Variants in CCDC88C observed in about 807,000 individuals in gnomAD.
The protein encoded by CCDC88C is protein Daple.
CCDC88C carries 131 observed loss-of-function variants against 198.8 expected under a neutral mutation model. That is an observed-to-expected ratio of 0.66 (90% CI 0.57 to 0.76). The LOEUF (loss-of-function observed/expected upper bound fraction) is 0.76, where lower values mean the gene tolerates loss of function less well. Among genes scored for constraint, CCDC88C ranks in the 30% least tolerant of loss-of-function variants. The pLI, the probability that CCDC88C is intolerant of heterozygous loss-of-function variation, is 0.00. For synonymous variants in CCDC88C, 1,166 were observed against 1,114.7 expected (o/e 1.05, Z -0.92); for missense variants, 2,553 against 2,631.6 (o/e 0.97, Z 0.65).
At chr14:91,384,151 T>C (rs1042120069) in intron 3 of CCDC88C, among the ~76,000 whole-genome samples, 1 of 152,056 alleles carries the variant, frequency 6.6e-6, no homozygotes, top group African/African-American at 2.4e-5. Context: ...AACTCTCAGG[T>C]GGAGGCTAGG....
chr14:91,317,275 C>T lies in CCDC88C; in HGVS notation c.1528-1488G>A, dbSNP rs144914148. Among the ~76,000 whole-genome samples, 175 of 152,302 alleles carry T rather than the reference C, an allele frequency of 1.1e-3. No individual in the cohort carries two copies. The East Asian group carries it at 0.019, about 16-fold the overall frequency. ...TCCAGAGGTCCCAGACCAAAGCAAG[C>T]GTGCAGCCTGGGCTACATTCGGGGT... is the stretch of plus-strand genomic sequence containing the variant. On this transcript the variant is annotated intron_variant, in intron 13 of 29. Coordinates refer to ENST00000389857, the MANE Select transcript of CCDC88C (RefSeq NM_001080414.4).
chr14:91,403,880 T>C (rs1421335805), intron 3 of CCDC88C, among the ~76,000 whole-genome samples: 1 of 152,224 alleles, frequency 6.6e-6, no homozygotes, highest in Non-Finnish European at 1.5e-5. Context: ...TGCAGTGAGC[T>C]AAGACTATAC....
intron 27 of CCDC88C, among the ~76,000 whole-genome samples, chr14:91,280,250 C>G (rs1332103037): frequency 6.6e-6 from 1 of 152,198 alleles, no homozygotes; most frequent in African/African-American, 2.4e-5. Flanking sequence ...GAAGAGACAC[C>G]TGGGGTTCCT....
rs189215037 is a variant in CCDC88C, at chr14:91,289,219, C to A, written c.4327G>T (p.Ala1443Ser). The A allele has an allele frequency of 5.6e-6, 9 of 1,614,012 alleles. No homozygotes were observed. Among genetic ancestry groups the A allele is most frequent in the Non-Finnish European group, 7.6e-6 (9 of 1,179,876 alleles). ...PPWQLESSDP[A>S]SPAASQPLRS... ...AGCGGCTGAGAGGCCGCCGGCGAGG[C>A]GGGGTCTGAGGACTCCAGCTGCCAG... The change falls in exon 25 of 30, where the codon GCC (alanine) becomes TCC (serine). Residue 1443 changes from alanine (A) to serine (S), a missense_variant. By Grantham distance (99) the Ala-to-Ser change is moderately conservative. Coordinates refer to ENST00000389857, the MANE Select transcript of CCDC88C (RefSeq NM_001080414.4).
chr14:91,310,048 G>T, intron 15 of CCDC88C, 62 bp from the exon 16 acceptor site: 2 of 1,476,642 alleles, frequency 1.4e-6, no homozygotes, highest in South Asian at 1.3e-5. Flanking sequence ...AAGGCCAGGC[G>T]CCAGTCCCGC....
chr14:91,372,114 C>T (rs1027142344), intron 3 of CCDC88C, among the ~76,000 whole-genome samples: 1 of 152,184 alleles, frequency 6.6e-6, no homozygotes, highest in Non-Finnish European at 1.5e-5. Flanking sequence ...GCAGGGAGAG[C>T]TCCTTGAGGA....
intron 25 of CCDC88C, chr14:91,283,730 G>A: frequency 1.7e-6 from 1 of 589,020 alleles, no homozygotes. Context: ...GAGGCCCCAT[G>A]AGGATGGCTC....
chr14:91,303,769 G>A lies in CCDC88C; in HGVS notation c.3567C>T (p.Ile1189=), dbSNP rs928302989. 3.7e-5 allele frequency: 59 copies of A among 1,613,254 alleles called. No homozygotes were observed. Among genetic ancestry groups the A allele is most frequent in the Non-Finnish European group, 4.8e-5 (57 of 1,179,772 alleles). Residue 1189 remains isoleucine, a synonymous_variant, in exon 20 of 30, where the codon ATC becomes ATT. Coordinates refer to ENST00000389857, the MANE Select transcript of CCDC88C (RefSeq NM_001080414.4). ...ERQSAEYEAL[I]RQHSCLKTLH... The stretch of plus-strand genomic sequence containing the variant: ...GTGTCTTTAGGCAGCTGTGCTGGCG[G>A]ATGAGGGCCTCGTACTCGGCCGATT...
At chr14:91,368,302 G>A (rs1267009972) in intron 3 of CCDC88C, among the ~76,000 whole-genome samples, 2 of 152,148 alleles carry the variant, frequency 1.3e-5, no homozygotes, top group African/African-American at 4.8e-5. Context: ...TTCACAGCCT[G>A]TAGCTGTTAA....
chr14:91,367,915 C>T (rs61988410), intron 3 of CCDC88C, among the ~76,000 whole-genome samples: 35,509 of 151,952 alleles, frequency 0.23, 5,414 homozygotes, highest in Middle Eastern at 0.31. Context: ...TCAGCTAAAA[C>T]GCCCCCTCCT....
intron 12 of CCDC88C, among the ~76,000 whole-genome samples, chr14:91,324,009 CA>C (rs34525864): frequency 0.085 from 12,988 of 152,330 alleles, 768 homozygotes; most frequent in African/African-American, 0.16. Context: ...TAAAGCCACC[CA>C]CTAAACAAGC....
chr14:91,396,643 A>G (rs1415883018), intron 3 of CCDC88C, among the ~76,000 whole-genome samples: 2 of 152,160 alleles, frequency 1.3e-5, no homozygotes, highest in Non-Finnish European at 2.9e-5. Context: ...CCGGAAGCAC[A>G]AATTCAGACC....
chr14:91,296,803 T>C (rs1380601987), intron 22 of CCDC88C, among the ~76,000 whole-genome samples: 1 of 152,202 alleles, frequency 6.6e-6, no homozygotes, highest in East Asian at 1.9e-4. Context: ...GCCTTCCATG[T>C]GCTGAGGTCT....
chr14:91,305,415 T>G (rs1891516073), intron 19 of CCDC88C, among the ~76,000 whole-genome samples: 1 of 152,212 alleles, frequency 6.6e-6, no homozygotes, highest in Non-Finnish European at 1.5e-5. Context: ...TAAAGAAACC[T>G]GGTTAACTTT....
rs574962577 is a variant in CCDC88C, at chr14:91,273,503, C to T, written c.5209G>A (p.Ala1737Thr). The T allele has an allele frequency of 3.2e-5, 50 of 1,544,292 alleles. No individual in the cohort carries two copies. The highest frequency in any genetic ancestry group is 4.2e-5 in the African/African-American group (3 of 71,872). ...AGCGGCCTCCCCTCCGAGGTGGGGG[C>T]GGCCATTTTGACGGTGGGGGCCACA... is the stretch of plus-strand genomic sequence containing the variant. The part of the protein sequence containing the change: ...NFVAPTVKMA[A>T]PTSEGRPLKP... The change falls in exon 30 of 30, where the codon GCC becomes ACC. Residue 1737 changes from alanine (A) to threonine (T), a missense_variant. Ala to Thr is a moderately conservative substitution (Grantham distance 58). Transcript: ENST00000389857. The surrounding 1 kb of genome is among the most constrained non-coding windows in gnomAD (Gnocchi z 5.6).
chr14:91,383,787 C>A (rs1319653536), intron 3 of CCDC88C, among the ~76,000 whole-genome samples: 1 of 152,176 alleles, frequency 6.6e-6, no homozygotes, highest in Non-Finnish European at 1.5e-5. Flanking sequence ...AGGGAGGGGT[C>A]TCCAATGAAG....
chr14:91,314,179 A>G (rs1169321756), intron 14 of CCDC88C, 29 bp from the exon 15 acceptor site: 1 of 1,547,612 alleles, frequency 6.5e-7, no homozygotes, highest in African/African-American at 1.4e-5. Context: ...GGCACAACCC[A>G]GGCTGCTGCA....
At position 91,371,011 on chromosome 14, in the gene CCDC88C, T is replaced by C. The variant is rs1596123529; in HGVS notation, c.271-11300A>G. ...GCATGCCATGCCCTGAGGTGTGTGTTTGGGGTGAGGCAGAAGGACTTCAAG... is the reference window on the plus strand; with the variant it reads ...GCATGCCATGCCCTGAGGTGTGTGTCTGGGGTGAGGCAGAAGGACTTCAAG... On this transcript the variant is annotated intron_variant, in intron 3 of 29. Coordinates refer to ENST00000389857, the MANE Select transcript of CCDC88C (RefSeq NM_001080414.4). This position sits in a 1 kb window ranked among gnomAD's most constrained non-coding sequence, Gnocchi z 4.2. 6.6e-6 allele frequency among the ~76,000 whole-genome samples: 1 copy of C among 151,982 alleles called. No homozygotes were observed. Among genetic ancestry groups the C allele is most frequent in the Admixed American group, 6.6e-5 (1 of 15,254 alleles).
At chr14:91,387,433 ATG>A (rs1885212611) in intron 3 of CCDC88C, among the ~76,000 whole-genome samples, 1 of 152,212 alleles carries the variant, frequency 6.6e-6, no homozygotes, top group Admixed American at 6.5e-5. Flanking sequence ...CCTCCGCAGC[ATG>A]TGTGGCGGGA....
Sources: gnomAD v4.1 joint callset for allele counts (sites outside exome capture counted in the v4.1 genomes callset) on GRCh38, gnomAD v4.1.1 for gene constraint, Gnocchi (gnomAD v3.1) non-coding constraint, MANE v1.5 for transcripts, NCBI Gene and HGNC (gene_info 2026-07-23, HGNC 2026-07-21) for gene names.